The following BMP8A variants were observed in gnomAD, a reference collection of about 807,000 sequenced individuals.
BMP8A encodes the protein bone morphogenetic protein 8a.
Under a neutral mutation model 36.8 loss-of-function variants are expected in BMP8A, and 14 were observed. The ratio of observed to expected loss-of-function variants is 0.38; its 90% CI spans 0.25 to 0.60. The LOEUF is 0.60. Among genes scored for constraint, BMP8A ranks in the 20% least tolerant of loss-of-function variants. The probability of loss-of-function intolerance (pLI) is 0.63; values close to 1 mark genes in which losing one functional copy is unlikely to be tolerated. For missense variants in BMP8A, 267 were observed against 551.1 expected (o/e 0.48, Z 5.16); for synonymous variants, 120 against 237.7 (o/e 0.50, Z 4.55).
At chr1:39,503,200 A>G (rs1410558592) in intron 1 of BMP8A, among the ~76,000 whole-genome samples, 1 of 152,144 alleles carries the variant, frequency 6.6e-6, no homozygotes, top group Non-Finnish European at 1.5e-5. Context: ...TACAAAAAAT[A>G]CAAAAAAAAT....
chr1:39,509,117 C>A (rs575492624), intron 1 of BMP8A, among the ~76,000 whole-genome samples: 1 of 152,284 alleles, frequency 6.6e-6, no homozygotes, highest in Admixed American at 6.5e-5. Flanking sequence ...AACAGGGACA[C>A]CACTGAGCCC....
chr1:39,507,588 C>A (rs1006671789), intron 1 of BMP8A, among the ~76,000 whole-genome samples: 2 of 152,166 alleles, frequency 1.3e-5, no homozygotes, highest in Non-Finnish European at 2.9e-5. Context: ...GTATTTGGTA[C>A]TTTCTGTCCG....
At chr1:39,499,619 C>A (rs1470836956) in intron 1 of BMP8A, among the ~76,000 whole-genome samples, 1 of 152,222 alleles carries the variant, frequency 6.6e-6, no homozygotes, top group Non-Finnish European at 1.5e-5. Flanking sequence ...CCGGTGAAGG[C>A]CACCTCCTGC....
chr1:39,516,806 G>T (rs1190718171), intron 3 of BMP8A, among the ~76,000 whole-genome samples: 3 of 152,002 alleles, frequency 2.0e-5, no homozygotes, highest in Non-Finnish European at 2.9e-5. Context: ...TGATTCAAGC[G>T]CCTCCCTCGT....
At chr1:39,515,077 A>C in intron 3 of BMP8A, 1 of 1,588,400 alleles carries the variant, frequency 6.3e-7, no homozygotes, top group Non-Finnish European at 8.6e-7. Flanking sequence ...CCCCGTGCCA[A>C]GTTCTACGCG....
chr1:39,508,190 G>GCA (rs1263898803), intron 1 of BMP8A, among the ~76,000 whole-genome samples: 1 of 151,528 alleles, frequency 6.6e-6, no homozygotes, highest in Non-Finnish European at 1.5e-5. Flanking sequence ...GGCGGAGCTT[G>GCA]CAGTGAGCTG....
Position 39,521,508 on chromosome 1 carries a change from G to A in BMP8A, c.806G>A (p.Arg269Lys). 2.4e-6 allele frequency: 2 copies of A among 847,846 alleles called. No individual in the cohort carries two copies. Among genetic ancestry groups the A allele is most frequent in the Non-Finnish European group, 3.1e-6 (2 of 651,344 alleles). The allele number at this position is 847,846 out of a possible 1,614,324, so 52.5% of individuals were successfully genotyped here. ...IRTPRAVRPL[R>K]RRQPKKSNEL... ...ACCCCTCGGGCAGTGAGGCCACTGAGGAGGAGGCAACCGAAGAAAAGCAAC... is the reference window on the plus strand; with the variant it reads ...ACCCCTCGGGCAGTGAGGCCACTGAAGAGGAGGCAACCGAAGAAAAGCAAC... The change falls in exon 4 of 7, where the codon AGG becomes AAG. Residue 269 changes from arginine to lysine, a missense_variant. Arg to Lys is a conservative substitution (Grantham distance 26). This residue lies in a region of BMP8A where 6 missense variants were observed against 27.9 expected (regional missense o/e 0.21). Transcript: ENST00000331593.
chr1:39,502,130 C>T (rs184560280), intron 1 of BMP8A, among the ~76,000 whole-genome samples: 28 of 150,820 alleles, frequency 1.9e-4, no homozygotes, highest in African/African-American at 4.1e-4. Flanking sequence ...CCCAGCTACT[C>T]GGGAGGCTGA....
At chr1:39,492,392 C>G in intron 1 of BMP8A, 67 bp downstream of exon 1, 1 of 1,409,608 alleles carries the variant, frequency 7.1e-7, no homozygotes, top group South Asian at 1.5e-5. Context: ...CGCGCATCCG[C>G]GGGCGGTGCC....
rs34518993 is a variant in BMP8A, at chr1:39,528,699, C to CT, written c.*2918dup. Reference sequence around the variant, plus strand: ...CGACCTGGCATCAGGTCCTGGCTGCCTTTTTTTTTTTTTTTTTAAAGACAT... The same window carrying CT: ...CGACCTGGCATCAGGTCCTGGCTGCCTTTTTTTTTTTTTTTTTTAAAGACAT... On this transcript the variant is annotated 3_prime_UTR_variant, in exon 7 of 7. Transcript: ENST00000331593. 0.19 allele frequency among the ~76,000 whole-genome samples: 25,898 copies of CT among 139,096 alleles called. 2,707 individuals are homozygous for CT. Among genetic ancestry groups the CT allele is most frequent in the Non-Finnish European group, 0.24 (15,627 of 64,556 alleles). 91.3% of individuals were successfully genotyped at this position (139,096 alleles called of 152,430 possible). A position where few individuals can be genotyped will look rare whatever the true frequency, so the allele number is the denominator to read the frequency against.
At chr1:39,514,392 CTGA>C (rs1006070423) in intron 3 of BMP8A, among the ~76,000 whole-genome samples, 1 of 150,334 alleles carries the variant, frequency 6.7e-6, no homozygotes, top group African/African-American at 2.5e-5. Flanking sequence ...GGGACCCTTC[CTGA>C]TGGAGGTGAG....
chr1:39,522,869 A>T, intron 5 of BMP8A, 138 bp from the exon 6 acceptor site: 1 of 924,798 alleles, frequency 1.1e-6, no homozygotes, highest in Non-Finnish European at 1.7e-6. Context: ...GCTCCTGCCC[A>T]GCCTTTTCCG....
In BMP8A at chr1:39,525,961, G is replaced by A; in HGVS notation, c.*163G>A. 8.0e-7 allele frequency: 1 copy of A among 1,253,156 alleles called. No homozygotes were observed. The highest frequency in any genetic ancestry group is 1.1e-6 in the Non-Finnish European group (1 of 918,404). The allele number at this position is 1,253,156 out of a possible 1,614,324, so 77.6% of individuals were successfully genotyped here. Reference sequence around the variant, plus strand: ...CTTCTGGTCCTTTCTCGGTACCTCTGTGCCCCTCCCCTGGGGTTTGTGGCT... The same window carrying A: ...CTTCTGGTCCTTTCTCGGTACCTCTATGCCCCTCCCCTGGGGTTTGTGGCT... On this transcript the variant is annotated 3_prime_UTR_variant, in exon 7 of 7. Coordinates refer to ENST00000331593, the MANE Select transcript of BMP8A (RefSeq NM_181809.4).
rs1456745945 is a variant in BMP8A, at chr1:39,492,320, A to G, written c.329A>G (p.Asn110Ser). 7 of 1,557,470 alleles carry G rather than the reference A, an allele frequency of 4.5e-6. No homozygotes were observed. Among genetic ancestry groups the G allele is most frequent in the Admixed American group, 3.7e-5 (2 of 53,728 alleles). ...GRADLVMSFV[N>S]MVERDRALGH... Reference sequence around the variant, plus strand: ...GCCGACCTGGTCATGAGCTTCGTCAACATGGGTGAGTGCGGCCGCCCGCGC... The same window carrying G: ...GCCGACCTGGTCATGAGCTTCGTCAGCATGGGTGAGTGCGGCCGCCCGCGC... Residue 110 changes from asparagine to serine, a missense_variant, in exon 1 of 7, where the codon AAC (asparagine) becomes AGC (serine). By Grantham distance (46) the Asn-to-Ser change is conservative (BLOSUM62 1). Transcript: ENST00000331593.
At chr1:39,494,873 A>G (rs11590742) in intron 1 of BMP8A, among the ~76,000 whole-genome samples, 4 of 152,158 alleles carry the variant, frequency 2.6e-5, no homozygotes, top group Admixed American at 6.5e-5. Context: ...CGTGGGATTA[A>G]CAAGCAGATC....
At chr1:39,501,451 C>T (rs894278324) in intron 1 of BMP8A, among the ~76,000 whole-genome samples, 3 of 152,156 alleles carry the variant, frequency 2.0e-5, no homozygotes, top group African/African-American at 7.2e-5. Context: ...ACCTCCCAGG[C>T]TCAAGCCATC....
At chr1:39,498,363 C>T (rs1379215610) in intron 1 of BMP8A, among the ~76,000 whole-genome samples, 1 of 152,216 alleles carries the variant, frequency 6.6e-6, no homozygotes, top group African/African-American at 2.4e-5. Flanking sequence ...CATTCTTTCC[C>T]GGGATTTCAC....
At chr1:39,492,570 C>A (rs1000305093) in intron 1 of BMP8A, among the ~76,000 whole-genome samples, 1 of 152,166 alleles carries the variant, frequency 6.6e-6, no homozygotes, top group East Asian at 1.9e-4. Flanking sequence ...TCACCCTGCC[C>A]CAGACACACC....
rs186824788 is a variant in BMP8A at position 39,500,484 on chromosome 1, A to T, written c.334+8159A>T. Among the ~76,000 whole-genome samples the T allele has an allele frequency of 7.6e-4, 115 of 152,226 alleles. 1 individual carries two copies. Among genetic ancestry groups the T allele is most frequent in the Middle Eastern group, 3.4e-3 (1 of 294 alleles). The stretch of plus-strand genomic sequence containing the variant: ...TGCAACCGAGAGTTATCTGGCCAAA[A>T]TGTCAGTGGTGCCACAGTTGAGAAA... On this transcript the variant is annotated intron_variant, in intron 1 of 6. Coordinates refer to ENST00000331593, the MANE Select transcript of BMP8A (RefSeq NM_181809.4).
Sources: gnomAD v4.1 joint callset for allele counts (sites outside exome capture counted in the v4.1 genomes callset) on GRCh38, gnomAD v4.1.1 for gene constraint, gnomAD v4.1.1 regional missense constraint, MANE v1.5 for transcripts, NCBI Gene and HGNC (gene_info 2026-07-23, HGNC 2026-07-21) for gene names.